The following GALNT16 variants were observed in gnomAD, a reference collection of about 807,000 sequenced individuals.
GALNT16 encodes polypeptide N-acetylgalactosaminyltransferase 16, also known as UDP-GalNAc:polypeptide N-acetylgalactosaminyltransferase-like protein 1.
GALNT16 carries 40 observed loss-of-function variants against 76.1 expected under a neutral mutation model. The ratio of observed to expected loss-of-function variants is 0.53; its 90% CI spans 0.41 to 0.68. The LOEUF is 0.68. Ranked by LOEUF, GALNT16 falls within the 30% of genes least tolerant of loss-of-function variation. The pLI, the probability that GALNT16 is intolerant of heterozygous loss-of-function variation, is 0.00. For synonymous variants in GALNT16, 276 were observed against 285.2 expected (o/e 0.97, Z 0.32); for missense variants, 621 against 731.9 (o/e 0.85, Z 1.75).
At chr14:69,331,691 A>G in intron 7 of GALNT16, 140 bp downstream of exon 7, 1 of 664,102 alleles carries the variant, frequency 1.5e-6, no homozygotes, top group Admixed American at 2.3e-5. Flanking sequence ...TCCAAAGAGA[A>G]AATGAAGAGG....
intron 3 of GALNT16, 114 bp from the exon 4 acceptor site, chr14:69,325,223 C>CAG (rs1186717975): frequency 2.7e-6 from 2 of 750,382 alleles, no homozygotes; most frequent in Non-Finnish European, 4.9e-6. Flanking sequence ...TAGGAGCGCC[C>CAG]AGCATGCTGG....
chr14:69,295,672 A>T (rs568917577), intron 1 of GALNT16, among the ~76,000 whole-genome samples: 2 of 152,304 alleles, frequency 1.3e-5, no homozygotes, highest in East Asian at 3.9e-4. Context: ...GTGAGCTGAG[A>T]TCGCACTACT....
At chr14:69,380,525 G>A in the GALNT16 span, 1 of 1,274,750 alleles carries the variant, frequency 7.8e-7, no homozygotes, top group African/African-American at 1.5e-5. Context: ...CCCCCCCAGT[G>A]CTTCCAACAC....
intron 5 of GALNT16, among the ~76,000 whole-genome samples, chr14:69,328,236 G>C (rs186868490): frequency 1.3e-5 from 2 of 152,064 alleles, no homozygotes; most frequent in African/African-American, 4.8e-5. Flanking sequence ...GAGGGCACTC[G>C]GGGTGTGACC....
chr14:69,273,501 C>T (rs1445405339), intron 1 of GALNT16, among the ~76,000 whole-genome samples: 1 of 152,118 alleles, frequency 6.6e-6, no homozygotes, highest in Non-Finnish European at 1.5e-5. Context: ...TGGAAAGGGA[C>T]CCTAGGACAT....
chr14:69,315,974 A>G (rs571373485), intron 1 of GALNT16, among the ~76,000 whole-genome samples: 20 of 152,286 alleles, frequency 1.3e-4, no homozygotes, highest in Non-Finnish European at 2.8e-4. Flanking sequence ...AGTTCATTGT[A>G]TAGAAAAGTC....
intron 5 of GALNT16, among the ~76,000 whole-genome samples, chr14:69,326,435 G>C (rs1796834180): frequency 6.6e-6 from 1 of 152,234 alleles, no homozygotes; most frequent in African/African-American, 2.4e-5. Flanking sequence ...TGGCACTCTA[G>C]GGGACACGAA....
At position 69,347,069 on chromosome 14, in the gene GALNT16, T is replaced by C. The variant is rs545969810; in HGVS notation, c.1301T>C (p.Ile434Thr). 6.2e-7 allele frequency: 1 copy of C among 1,614,090 alleles called. No homozygotes were observed. The highest frequency in any genetic ancestry group is 2.2e-5 in the East Asian group (1 of 44,880). ...CCCGTGAAGGAAGCACTCCCCGGCA[T>C]CATTAAGCAGGGGGTGAACTGCTTA... ...TVPVKEALPG[I>T]IKQGVNCLES... Residue 434 changes from isoleucine (I) to threonine (T), a missense_variant, in exon 13 of 15, where the codon ATC (isoleucine) becomes ACC (threonine). Physicochemically the swap from Ile to Thr is moderately conservative, Grantham distance 89 (BLOSUM62 -1). Coordinates refer to ENST00000448469, the MANE Select transcript of GALNT16 (RefSeq NM_001168368.2).
the GALNT16 span, among the ~76,000 whole-genome samples, chr14:69,363,061 G>C: frequency 1.3e-5 from 2 of 152,258 alleles, no homozygotes; most frequent in Non-Finnish European, 2.9e-5. Flanking sequence ...GGGAGGGAAG[G>C]TTATGAGGCA....
At chr14:69,280,468 G>A (rs988800203) in intron 1 of GALNT16, among the ~76,000 whole-genome samples, 7 of 152,136 alleles carry the variant, frequency 4.6e-5, no homozygotes, top group Admixed American at 3.3e-4. Context: ...GGGCTGCTTC[G>A]ACATTTTGGC....
intron 2 of GALNT16, among the ~76,000 whole-genome samples, chr14:69,322,996 GCACGCA>G (rs1365077597): frequency 2.6e-5 from 1 of 38,148 alleles, no homozygotes; most frequent in African/African-American, 2.5e-4. Context: ...GCGCACGCGC[GCACGCA>G]TGCACACGTG....
intron 1 of GALNT16, among the ~76,000 whole-genome samples, chr14:69,288,607 C>T (rs1054519324): frequency 5.3e-5 from 8 of 152,182 alleles, no homozygotes; most frequent in Non-Finnish European, 8.8e-5. Context: ...CAGCACCAGG[C>T]CTCACTAGTT....
At chr14:69,305,880 T>C (rs1318664782) in intron 1 of GALNT16, among the ~76,000 whole-genome samples, 1 of 152,236 alleles carries the variant, frequency 6.6e-6, no homozygotes, top group Non-Finnish European at 1.5e-5. Flanking sequence ...TGTTTTCTTC[T>C]AGGAGTTTTG....
chr14:69,346,946 G>A (rs1328957525), intron 12 of GALNT16, 94 bp from the exon 13 acceptor site: 12 of 1,498,626 alleles, frequency 8.0e-6, no homozygotes, highest in Admixed American at 5.1e-5. Flanking sequence ...AGACCTCGGC[G>A]CTCCCAGAGC....
At chr14:69,295,883 T>C (rs2044753737) in intron 1 of GALNT16, among the ~76,000 whole-genome samples, 1 of 152,180 alleles carries the variant, frequency 6.6e-6, no homozygotes, top group Non-Finnish European at 1.5e-5. Flanking sequence ...CTCTGGAAAG[T>C]CCTATCCCCC....
chr14:69,277,755 G>A (rs1566861610), intron 1 of GALNT16, among the ~76,000 whole-genome samples: 1 of 152,274 alleles, frequency 6.6e-6, no homozygotes. Flanking sequence ...GGGATGGCTG[G>A]GTCAAATGGT....
chr14:69,332,644 C>T (rs147781586), intron 7 of GALNT16: 1,788 of 165,162 alleles, frequency 0.011, 11 homozygotes, highest in Non-Finnish European at 0.016. Flanking sequence ...AGGCATTTCC[C>T]CTTTGGGAAA....
In GALNT16 at chr14:69,326,024, G is replaced by A; in HGVS notation, c.565G>A (p.Glu189Lys). ...KVKCLRNDRR[E>K]GLIRSRVRGA... ...CAAGTGCCTGCGCAATGATCGGCGG[G>A]AAGGTGAGTCCTTGCACCCTGGGTC... Residue 189 changes from glutamate (E) to lysine (K), a missense_variant, in exon 5 of 15, where the codon GAA becomes AAA. Physicochemically the swap from Glu to Lys is moderately conservative, Grantham distance 56. Coordinates refer to ENST00000448469, the MANE Select transcript of GALNT16 (RefSeq NM_001168368.2). The A allele has an allele frequency of 1.2e-6, 2 of 1,613,244 alleles. No homozygotes were observed. Among genetic ancestry groups the A allele is most frequent in the Non-Finnish European group, 8.5e-7 (1 of 1,179,244 alleles).
chr14:69,347,475 C>T (rs887741526), intron 13 of GALNT16, among the ~76,000 whole-genome samples: 1 of 152,184 alleles, frequency 6.6e-6, no homozygotes, highest in African/African-American at 2.4e-5. Flanking sequence ...CAGGCAATGT[C>T]CAAGACTCCT....
Sources: gnomAD v4.1 joint callset for allele counts (sites outside exome capture counted in the v4.1 genomes callset) on GRCh38, gnomAD v4.1.1 for gene constraint, MANE v1.5 for transcripts, NCBI Gene and HGNC (gene_info 2026-07-23, HGNC 2026-07-21) for gene names.